PRKCE: variants seen among roughly 807,000 people sequenced by gnomAD.
The protein encoded by PRKCE is protein kinase C epsilon.
Under a neutral mutation model 85.4 loss-of-function variants are expected in PRKCE, and 16 were observed. The observed-to-expected ratio is 0.19, with a 90% confidence interval of 0.13 to 0.28. PRKCE has a LOEUF of 0.28. Among genes scored for constraint, PRKCE ranks in the 10% least tolerant of loss-of-function variants. The pLI, the probability that PRKCE is intolerant of heterozygous loss-of-function variation, is 1.00. For synonymous variants in PRKCE, 388 were observed against 371.5 expected, an observed-to-expected ratio of 1.04 and a Z score of -0.51; for missense variants, 573 against 975.2, an observed-to-expected ratio of 0.59 and a Z score of 5.49.
chr2:45,691,582 C>T (rs972074838), intron 1 of PRKCE, among the ~76,000 whole-genome samples: 2 of 152,254 alleles, frequency 1.3e-5, no homozygotes, highest in Admixed American at 6.5e-5. Context: ...GCATCCGCTT[C>T]GTTGACTTGA....
intron 2 of PRKCE, among the ~76,000 whole-genome samples, chr2:45,850,258 A>G (rs1223004151): frequency 2.0e-5 from 3 of 152,232 alleles, no homozygotes; most frequent in Non-Finnish European, 4.4e-5. Context: ...CTGTCTTACC[A>G]ATAAAATAAT....
intron 2 of PRKCE, among the ~76,000 whole-genome samples, chr2:45,962,071 C>A (rs1405397766): frequency 6.6e-6 from 1 of 152,184 alleles, no homozygotes; most frequent in Admixed American, 6.5e-5. Context: ...ACTGCTTAAA[C>A]CAAAACCTAC....
intron 10 of PRKCE, among the ~76,000 whole-genome samples, chr2:46,075,100 G>C (rs1192664636): frequency 6.6e-6 from 1 of 152,136 alleles, no homozygotes; most frequent in Non-Finnish European, 1.5e-5. Flanking sequence ...GAGTGCAGTG[G>C]CGTGATCTCG....
At chr2:46,039,065 A>T (rs1708060207) in intron 10 of PRKCE, among the ~76,000 whole-genome samples, 1 of 152,128 alleles carries the variant, frequency 6.6e-6, no homozygotes, top group African/African-American at 2.4e-5. Flanking sequence ...CGTAGTTGAG[A>T]CCCCACCTCT....
At chr2:45,656,382 T>C (rs766189820) in intron 1 of PRKCE, among the ~76,000 whole-genome samples, 4 of 152,190 alleles carry the variant, frequency 2.6e-5, no homozygotes, top group Non-Finnish European at 5.9e-5. Context: ...CTGAGGTGAA[T>C]TCTAGAATGC....
chr2:45,833,743 G>C (rs1690624098), intron 1 of PRKCE, among the ~76,000 whole-genome samples: 1 of 152,232 alleles, frequency 6.6e-6, no homozygotes, highest in Non-Finnish European at 1.5e-5. Context: ...AATATACCTA[G>C]TGATAGGGAC....
At chr2:45,805,562 G>T (rs1383245703) in intron 1 of PRKCE, among the ~76,000 whole-genome samples, 1 of 151,438 alleles carries the variant, frequency 6.6e-6, no homozygotes, top group Non-Finnish European at 1.5e-5. Flanking sequence ...ACTTATTGAA[G>T]CTTATGCTAA....
chr2:45,696,027 T>C (rs549007486), intron 1 of PRKCE, among the ~76,000 whole-genome samples: 275 of 152,150 alleles, frequency 1.8e-3, no homozygotes, highest in Non-Finnish European at 3.2e-3. Flanking sequence ...GCCATGCTGG[T>C]GTACTGCACC....
intron 10 of PRKCE, among the ~76,000 whole-genome samples, chr2:46,045,665 G>C (rs946720310): frequency 8.5e-5 from 13 of 152,262 alleles, no homozygotes; most frequent in African/African-American, 3.1e-4. Flanking sequence ...GATCACTTGG[G>C]GTCAGGAGTT....
At chr2:45,821,898 G>A (rs892762783) in intron 1 of PRKCE, among the ~76,000 whole-genome samples, 1 of 152,164 alleles carries the variant, frequency 6.6e-6, no homozygotes, top group Non-Finnish European at 1.5e-5. Flanking sequence ...GGAGCTGTCA[G>A]GCTAGAGGCT....
At chr2:45,938,766 A>G (rs187322875) in intron 2 of PRKCE, among the ~76,000 whole-genome samples, 10 of 152,194 alleles carry the variant, frequency 6.6e-5, no homozygotes, top group African/African-American at 2.2e-4. Context: ...GAAAGCTTAT[A>G]TTTACAAAGT....
At chr2:45,924,305 T>C (rs1698459269) in intron 2 of PRKCE, among the ~76,000 whole-genome samples, 1 of 152,222 alleles carries the variant, frequency 6.6e-6, no homozygotes, top group Non-Finnish European at 1.5e-5. Context: ...ATATGTCCAC[T>C]GCCAGGGAAA....
At chr2:45,832,335 C>G (rs1690498106) in intron 1 of PRKCE, among the ~76,000 whole-genome samples, 1 of 120,182 alleles carries the variant, frequency 8.3e-6, no homozygotes, top group East Asian at 2.3e-4. Flanking sequence ...TTTTTTGAGA[C>G]AGAGTCTCAC....
intron 2 of PRKCE, among the ~76,000 whole-genome samples, chr2:45,845,115 G>A (rs933138385): frequency 6.9e-5 from 10 of 145,200 alleles, no homozygotes; most frequent in Non-Finnish European, 1.0e-4. Flanking sequence ...CCTTTCTTTC[G>A]ATGGTGGGTA....
chr2:45,873,475 AAC>A (rs968974919), intron 2 of PRKCE, among the ~76,000 whole-genome samples: 3 of 139,786 alleles, frequency 2.1e-5, no homozygotes, highest in Non-Finnish European at 3.2e-5. Flanking sequence ...AAAAAAAAAA[AAC>A]AAAAAAACCT....
intron 1 of PRKCE, among the ~76,000 whole-genome samples, chr2:45,766,629 A>T (rs921659001): frequency 3.9e-5 from 6 of 152,250 alleles, no homozygotes; most frequent in Non-Finnish European, 5.9e-5. Context: ...AGACCTTAGG[A>T]TGGCCTAATA....
chr2:46,089,056 C>G (rs977396218), intron 11 of PRKCE, among the ~76,000 whole-genome samples: 4 of 152,150 alleles, frequency 2.6e-5, no homozygotes, highest in African/African-American at 9.7e-5. Context: ...AACCTGTGAC[C>G]ACTTTTGCCC....
At chr2:46,053,341 G>A (rs965205295) in intron 10 of PRKCE, among the ~76,000 whole-genome samples, 1 of 152,092 alleles carries the variant, frequency 6.6e-6, no homozygotes, top group Non-Finnish European at 1.5e-5. Flanking sequence ...ATTTATTGTG[G>A]TAAAATATAG....
chr2:45,946,437 G>A (rs1188346230), intron 2 of PRKCE, among the ~76,000 whole-genome samples: 2 of 152,196 alleles, frequency 1.3e-5, no homozygotes, highest in African/African-American at 4.8e-5. Flanking sequence ...GGGGAAGCAG[G>A]TACAATGGAA....
Sources: allele counts gnomAD v4.1 joint callset (sites outside exome capture counted in the v4.1 genomes callset), GRCh38; gene constraint gnomAD v4.1.1; transcripts MANE v1.5; gene names NCBI Gene and HGNC (gene_info 2026-07-23, HGNC 2026-07-21).